GRIA1: variants seen among roughly 807,000 people sequenced by gnomAD.
GRIA1 encodes the protein glutamate ionotropic receptor AMPA type subunit 1.
A neutral mutation model predicts 99.2 loss-of-function variants in GRIA1; 31 were observed. The ratio of observed to expected loss-of-function variants is 0.31; its 90% CI spans 0.23 to 0.42. The LOEUF is 0.42. GRIA1 is among the 10% of genes least tolerant of loss of function. The pLI is 1.00. For missense variants in GRIA1, 782 were observed against 1,157.5 expected, an observed-to-expected ratio of 0.68 and a Z score of 4.71; for synonymous variants, 438 against 432.4, an observed-to-expected ratio of 1.01 and a Z score of -0.16.
chr5:153,542,428 G>C (rs1416573129), intron 2 of GRIA1, among the ~76,000 whole-genome samples: 4 of 152,168 alleles, frequency 2.6e-5, no homozygotes, highest in Non-Finnish European at 5.9e-5. Flanking sequence ...TTGCCACATT[G>C]TGATCATGGA....
At chr5:153,619,520 A>G (rs1173975084) in intron 2 of GRIA1, among the ~76,000 whole-genome samples, 2 of 152,142 alleles carry the variant, frequency 1.3e-5, no homozygotes, top group Non-Finnish European at 1.5e-5. Context: ...GACATAGCCC[A>G]TGGTACTGGA....
chr5:153,651,927 T>C (rs1754604402), intron 4 of GRIA1, among the ~76,000 whole-genome samples: 1 of 152,242 alleles, frequency 6.6e-6, no homozygotes, highest in South Asian at 2.1e-4. Context: ...ACTGGCTTTG[T>C]GACCTTGACC....
intron 11 of GRIA1, among the ~76,000 whole-genome samples, chr5:153,724,564 A>G (rs889407497): frequency 5.3e-5 from 8 of 152,272 alleles, no homozygotes; most frequent in Admixed American, 3.3e-4. Context: ...GAGCTGATGG[A>G]GCTGAAAGCC....
At chr5:153,492,012 G>T (rs562037362) in intron 1 of GRIA1, among the ~76,000 whole-genome samples, 3 of 152,198 alleles carry the variant, frequency 2.0e-5, no homozygotes, top group Non-Finnish European at 4.4e-5. Flanking sequence ...TGTCAGTGTC[G>T]TTTGTGTCCC....
chr5:153,688,959 A>G lies in GRIA1; in HGVS notation c.1134+2630A>G, dbSNP rs148024823. On this transcript the variant is annotated intron_variant, in intron 8 of 15. Transcript: ENST00000285900. ...CTGGTCTCAAACTCCTGACCGTGTGATCCATTCACCTCCGCCTCCCAAAGT... is the reference window on the plus strand; with the variant it reads ...CTGGTCTCAAACTCCTGACCGTGTGGTCCATTCACCTCCGCCTCCCAAAGT... 3.7e-3 allele frequency among the ~76,000 whole-genome samples: 567 copies of G among 152,184 alleles called. 7 individuals carry two copies. Among genetic ancestry groups the G allele is most frequent in the African/African-American group, 0.013 (534 of 41,522 alleles).
At chr5:153,531,399 T>C (rs1380852993) in intron 2 of GRIA1, among the ~76,000 whole-genome samples, 1 of 152,218 alleles carries the variant, frequency 6.6e-6, no homozygotes, top group Non-Finnish European at 1.5e-5. Context: ...GTATTCATCA[T>C]ATCTCTGAAG....
At chr5:153,547,124 C>A (rs1297835613) in intron 2 of GRIA1, among the ~76,000 whole-genome samples, 1 of 152,156 alleles carries the variant, frequency 6.6e-6, no homozygotes, top group Non-Finnish European at 1.5e-5. Context: ...TTGAATGAGG[C>A]CCAATACAAA....
chr5:153,684,671 C>T (rs9324756), intron 7 of GRIA1, among the ~76,000 whole-genome samples: 21,221 of 152,114 alleles, frequency 0.14, 1,970 homozygotes, highest in East Asian at 0.51. Context: ...TAAGGGAACA[C>T]TAAAGATTGG....
chr5:153,725,524 G>A lies in GRIA1; in HGVS notation c.1823+19457G>A, dbSNP rs573466389. On this transcript the variant is annotated intron_variant, in intron 11 of 15. Transcript: ENST00000285900. Reference sequence around the variant, plus strand: ...ATCTCACGTGCAGAGACACACATAGGCTCAAAATAAAAGGATGGAGGAAGA... The same window carrying A: ...ATCTCACGTGCAGAGACACACATAGACTCAAAATAAAAGGATGGAGGAAGA... Among the ~76,000 whole-genome samples, 56 of 110,756 alleles carry A rather than the reference G, an allele frequency of 5.1e-4. 9 individuals carry two copies. Among genetic ancestry groups the A allele is most frequent in the African/African-American group, 1.9e-3 (53 of 27,742 alleles). 72.7% of individuals were successfully genotyped at this position (110,756 alleles called of 152,430 possible).
At chr5:153,634,967 C>T (rs1255848243) in intron 2 of GRIA1, among the ~76,000 whole-genome samples, 5 of 152,120 alleles carry the variant, frequency 3.3e-5, no homozygotes, top group Non-Finnish European at 7.3e-5. Context: ...CATTTTTGTC[C>T]TTTCACTTCC....
chr5:153,723,704 A>G (rs888343813), intron 11 of GRIA1, among the ~76,000 whole-genome samples: 1 of 151,832 alleles, frequency 6.6e-6, no homozygotes, highest in Non-Finnish European at 1.5e-5. Context: ...GGCCCCCGCC[A>G]TTGCCCAGGC....
chr5:153,709,353 T>C (rs1161809702), intron 11 of GRIA1, among the ~76,000 whole-genome samples: 2 of 152,188 alleles, frequency 1.3e-5, no homozygotes, highest in East Asian at 1.9e-4. Flanking sequence ...AATTTAGTAT[T>C]TGGGGAAATC....
chr5:153,738,911 G>T (rs929416455), intron 11 of GRIA1, among the ~76,000 whole-genome samples: 3 of 151,462 alleles, frequency 2.0e-5, no homozygotes, highest in African/African-American at 7.3e-5. Context: ...TAGTAGAGAC[G>T]GGGTTTTACC....
At chr5:153,615,724 G>A (rs1016732248) in intron 2 of GRIA1, among the ~76,000 whole-genome samples, 3 of 152,144 alleles carry the variant, frequency 2.0e-5, no homozygotes, top group African/African-American at 7.2e-5. Flanking sequence ...GCTCTGCCAT[G>A]TCCCTCTGCA....
chr5:153,697,669 G>A (rs760159246), intron 8 of GRIA1, among the ~76,000 whole-genome samples: 13 of 152,160 alleles, frequency 8.5e-5, no homozygotes, highest in Non-Finnish European at 1.3e-4. Context: ...GTTCACTGAA[G>A]TGCAGGGTTA....
intron 5 of GRIA1, among the ~76,000 whole-genome samples, chr5:153,656,601 A>C (rs1473048252): frequency 4.0e-5 from 6 of 151,704 alleles, no homozygotes; most frequent in African/African-American, 1.5e-4. Context: ...TTGTACCTCC[A>C]GCTTTTTTGT....
intron 2 of GRIA1, among the ~76,000 whole-genome samples, chr5:153,620,597 C>A (rs933060735): frequency 6.6e-6 from 1 of 152,130 alleles, no homozygotes; most frequent in Non-Finnish European, 1.5e-5. Context: ...TTACTGGGTG[C>A]CACAACTTGT....
At chr5:153,748,068 C>T (rs897455966) in intron 11 of GRIA1, among the ~76,000 whole-genome samples, 6 of 152,142 alleles carry the variant, frequency 3.9e-5, no homozygotes, top group East Asian at 1.9e-4. Context: ...CCCCCGCCCT[C>T]GCTGAAGTTA....
intron 13 of GRIA1, among the ~76,000 whole-genome samples, chr5:153,773,642 T>C (rs1158025383): frequency 1.3e-5 from 2 of 152,146 alleles, no homozygotes; most frequent in Non-Finnish European, 2.9e-5. Context: ...CATACATCTC[T>C]GTAAACACAT....
Sources: gnomAD v4.1 joint callset for allele counts (sites outside exome capture counted in the v4.1 genomes callset) on GRCh38, gnomAD v4.1.1 for gene constraint, MANE v1.5 for transcripts, NCBI Gene and HGNC (gene_info 2026-07-23, HGNC 2026-07-21) for gene names.